PMPCB: variants seen among roughly 807,000 people sequenced by gnomAD.
PMPCB encodes the protein peptidase, mitochondrial processing subunit beta, also known as mitochondrial-processing peptidase subunit beta.
Under a neutral mutation model 61.5 loss-of-function variants are expected in PMPCB, and 46 were observed. The ratio of observed to expected loss-of-function variants is 0.75; its 90% CI spans 0.59 to 0.96. The LOEUF is 0.96. Among genes scored for constraint, PMPCB ranks in the 40% least tolerant of loss-of-function variants. PMPCB has a pLI of 0.00. For synonymous variants in PMPCB, 191 were observed against 201.6 expected (o/e 0.95, Z 0.44); for missense variants, 590 against 602.4 (o/e 0.98, Z 0.22).
chr7:103,323,238 G>A (rs999885126), intron 12 of PMPCB, among the ~76,000 whole-genome samples: 3 of 151,866 alleles, frequency 2.0e-5, no homozygotes, highest in Admixed American at 6.6e-5. Flanking sequence ...CCTAAACAGT[G>A]GTTCTATTTA....
At chr7:103,329,922 A>G (rs1460738403), downstream of PMPCB, among the ~76,000 whole-genome samples, 2 of 152,198 alleles carry the variant, frequency 1.3e-5, no homozygotes. Context: ...CTTATTTAAT[A>G]ACTTAACTCA....
At chr7:103,319,589 G>C (rs377693338), downstream of PMPCB, 2 of 1,611,514 alleles carry the variant, frequency 1.2e-6, no homozygotes, top group Non-Finnish European at 1.7e-6. Flanking sequence ...ATAGGTAGGA[G>C]TGATGTGTTC....
At chr7:103,334,644 T>C in the PMPCB span, among the ~76,000 whole-genome samples, 568 of 150,992 alleles carry the variant, frequency 3.8e-3, 3 homozygotes, top group African/African-American at 0.014. Context: ...GACAAGGTCT[T>C]GCTATGTTGT....
chr7:103,342,270 A>G, the PMPCB span, among the ~76,000 whole-genome samples: 1 of 152,136 alleles, frequency 6.6e-6, no homozygotes, highest in Non-Finnish European at 1.5e-5. Context: ...GAAATGTTGC[A>G]AACTACTTTA....
intron 1 of PMPCB, among the ~76,000 whole-genome samples, chr7:103,298,260 C>T (rs1325050526): frequency 6.6e-6 from 1 of 151,244 alleles, no homozygotes; most frequent in Non-Finnish European, 1.5e-5. Flanking sequence ...TTGTTTTCTC[C>T]ATAATGAATA....
At position 103,307,495 on chromosome 7, in the gene PMPCB, T is replaced by C; in HGVS notation, c.737-101T>C. 4.3e-6 allele frequency: 3 copies of C among 692,270 alleles called. No homozygotes were observed. In the South Asian group the frequency reaches 5.1e-5, roughly 12 times the overall value. 42.9% of individuals were successfully genotyped at this position (692,270 alleles called of 1,614,324 possible). On this transcript the variant is annotated intron_variant, in intron 6 of 12. Coordinates refer to ENST00000249269, the MANE Select transcript of PMPCB (RefSeq NM_004279.3). Reference sequence around the variant, plus strand: ...CTTAAATAATGGCTTTTAGTGAGTGTAGATAGTTCATGTGTAATGTACATC... The same window carrying C: ...CTTAAATAATGGCTTTTAGTGAGTGCAGATAGTTCATGTGTAATGTACATC...
At chr7:103,336,502 C>G in the PMPCB span, 1 of 152,204 alleles carries the variant, frequency 6.6e-6, no homozygotes, top group Non-Finnish European at 1.5e-5. Flanking sequence ...CACCACCACA[C>G]CCAGCTAATT....
At position 103,323,303 on chromosome 7, in the gene PMPCB, T is replaced by G. The variant is rs1207622687; in HGVS notation, c.*1432-5628T>G. 2.0e-5 allele frequency among the ~76,000 whole-genome samples: 3 copies of G among 150,176 alleles called. No individual in the cohort carries two copies. In the East Asian group the frequency reaches 6.3e-4, roughly 32 times the overall value. ...CATGTCAAAAGCATTTCTGCACACA[T>G]ACAAAAAAAAAATTAATAAAACCTA... On this transcript the variant is annotated intron_variant and NMD_transcript_variant, in intron 12 of 12. Coordinates refer to the PMPCB transcript ENST00000444457.
downstream of PMPCB, among the ~76,000 whole-genome samples, chr7:103,334,302 C>T (rs1819083556): frequency 6.6e-6 from 1 of 151,438 alleles, no homozygotes; most frequent in Admixed American, 6.6e-5. Context: ...TGGCTCATGC[C>T]TGTAATCCCA....
chr7:103,311,631 C>T lies in PMPCB; in HGVS notation c.1155-12C>T. The T allele has an allele frequency of 1.9e-6, 3 of 1,604,752 alleles. No individual in the cohort carries two copies. The highest frequency in any genetic ancestry group is 2.2e-5 in the East Asian group (1 of 44,808). On this transcript the variant is annotated splice_polypyrimidine_tract_variant and intron_variant, in intron 9 of 12. Transcript: ENST00000249269. ...CATTTTCCAACTACTACTGTTTTTCCACGTTTTTTAGGATGCGACTCTGTA... is the reference window on the plus strand; with the variant it reads ...CATTTTCCAACTACTACTGTTTTTCTACGTTTTTTAGGATGCGACTCTGTA...
chr7:103,338,504 T>C, the PMPCB span, among the ~76,000 whole-genome samples: 1 of 151,210 alleles, frequency 6.6e-6, no homozygotes, highest in Non-Finnish European at 1.5e-5. Flanking sequence ...ACCTTGTTGG[T>C]CAGGCTGGTC....
At position 103,311,693 on chromosome 7, in the gene PMPCB, A is replaced by G; in HGVS notation, c.1205A>G (p.Asn402Ser). ...VTESEVARARNLLKTNMLLQL... is the reference protein window; with the variant it reads ...VTESEVARARSLLKTNMLLQL... ...GAAAGTGAGGTTGCACGAGCCAGAA[A>G]TCTTCTGAAAACAAACATGTTGTTG... is the stretch of plus-strand genomic sequence containing the variant. Residue 402 changes from asparagine to serine, a missense_variant, in exon 10 of 13, where the codon AAT (asparagine) becomes AGT (serine). By Grantham distance (46) the Asn-to-Ser change is conservative. Transcript: ENST00000249269. 6.2e-7 allele frequency: 1 copy of G among 1,614,100 alleles called. No homozygotes were observed. The highest frequency in any genetic ancestry group is 8.5e-7 in the Non-Finnish European group (1 of 1,179,942).
the PMPCB span, among the ~76,000 whole-genome samples, chr7:103,346,801 CTTT>C: frequency 6.7e-6 from 1 of 148,764 alleles, no homozygotes; most frequent in Non-Finnish European, 1.5e-5. Flanking sequence ...AATTTCATTC[CTTT>C]TTAAGGCTGA....
chr7:103,326,510 GGC>G, intron 12 of PMPCB: 1 of 1,610,458 alleles, frequency 6.2e-7, no homozygotes. Context: ...AAGCCAACAG[GGC>G]ACTATGATCA....
chr7:103,325,700 C>T (rs1490147365), intron 12 of PMPCB, among the ~76,000 whole-genome samples: 1 of 152,086 alleles, frequency 6.6e-6, no homozygotes, highest in Non-Finnish European at 1.5e-5. Context: ...TTTAAGGGAA[C>T]CTGCCAATGC....
At chr7:103,328,956 T>C (rs1313260759) in exon 13 of PMPCB, 27 of 1,248,288 alleles carry the variant, frequency 2.2e-5, no homozygotes, top group Middle Eastern at 2.2e-4. Flanking sequence ...GTGAACTTCA[T>C]GAATGGAAAT....
intron 7 of PMPCB, among the ~76,000 whole-genome samples, chr7:103,308,039 A>T (rs1817634532): frequency 1.3e-5 from 2 of 152,146 alleles, no homozygotes; most frequent in Non-Finnish European, 2.9e-5. Flanking sequence ...TAATATCTGG[A>T]AGTAATCTTT....
intron 12 of PMPCB, among the ~76,000 whole-genome samples, chr7:103,325,249 G>C (rs952441926): frequency 2.0e-5 from 3 of 152,176 alleles, no homozygotes; most frequent in Non-Finnish European, 4.4e-5. Context: ...TTTGAGACCA[G>C]TCTGGCCAAT....
chr7:103,334,052 G>A (rs1213994330), downstream of PMPCB, among the ~76,000 whole-genome samples: 4 of 151,336 alleles, frequency 2.6e-5, no homozygotes, highest in Non-Finnish European at 4.4e-5. Flanking sequence ...CCGGGTTCAC[G>A]CCATTCTGCT....
Sources: allele counts gnomAD v4.1 joint callset (sites outside exome capture counted in the v4.1 genomes callset), GRCh38; gene constraint gnomAD v4.1.1; transcripts MANE v1.5; gene names NCBI Gene and HGNC (gene_info 2026-07-23, HGNC 2026-07-21).